Variants in IGFBP7 observed in about 807,000 individuals in gnomAD.
The protein encoded by IGFBP7 is insulin-like growth factor-binding protein 7.
IGFBP7 carries 31 observed loss-of-function variants against 29.4 expected under a neutral mutation model. The observed-to-expected ratio is 1.05, with a 90% CI of 0.79 to 1.42. IGFBP7 has a LOEUF of 1.42. IGFBP7 is among the 40% of genes most tolerant of loss of function. The pLI is 0.00. For missense variants in IGFBP7, 393 were observed against 395.5 expected (o/e 0.99, Z 0.05); for synonymous variants, 172 against 174.9 (o/e 0.98, Z 0.13).
At chr4:57,073,681 C>T (rs192059543) in intron 1 of IGFBP7, among the ~76,000 whole-genome samples, 1 of 152,212 alleles carries the variant, frequency 6.6e-6, no homozygotes, top group Admixed American at 6.5e-5. Flanking sequence ...CTCATGAGGT[C>T]AGACTAGGAG....
chr4:57,048,225 G>A (rs1724413891), intron 1 of IGFBP7, among the ~76,000 whole-genome samples: 1 of 151,832 alleles, frequency 6.6e-6, no homozygotes, highest in Non-Finnish European at 1.5e-5. Flanking sequence ...CTAACTTTTT[G>A]TATTTTTAGT....
chr4:57,079,252 A>AG (rs963333052), intron 1 of IGFBP7, among the ~76,000 whole-genome samples: 3 of 149,068 alleles, frequency 2.0e-5, no homozygotes, highest in Non-Finnish European at 4.5e-5. Context: ...GTGTTTTAAA[A>AG]AAACAAATTG....
intron 1 of IGFBP7, among the ~76,000 whole-genome samples, chr4:57,045,992 C>T (rs1395875871): frequency 2.0e-5 from 3 of 152,124 alleles, no homozygotes; most frequent in Admixed American, 2.0e-4. Context: ...TCCCAAAGTG[C>T]TGGGATTACA....
intron 1 of IGFBP7, among the ~76,000 whole-genome samples, chr4:57,076,652 G>T (rs1725234304): frequency 6.6e-6 from 1 of 152,228 alleles, no homozygotes; most frequent in Admixed American, 6.5e-5. Flanking sequence ...AACCAGCTTA[G>T]AAGGTGACGT....
At chr4:57,052,383 G>T (rs1166366474) in intron 1 of IGFBP7, among the ~76,000 whole-genome samples, 8 of 152,120 alleles carry the variant, frequency 5.3e-5, no homozygotes, top group Admixed American at 1.3e-4. Flanking sequence ...GTTTAAATTT[G>T]CTGAATTTCA....
intron 1 of IGFBP7, among the ~76,000 whole-genome samples, chr4:57,108,534 T>C (rs547515813): frequency 3.1e-4 from 17 of 54,770 alleles, no homozygotes; most frequent in African/African-American, 9.7e-4. Flanking sequence ...CCAGACTTTA[T>C]TTTCTTCTTT....
chr4:57,057,929 C>A (rs1265205267), intron 1 of IGFBP7, among the ~76,000 whole-genome samples: 1 of 152,146 alleles, frequency 6.6e-6, no homozygotes, highest in Non-Finnish European at 1.5e-5. Flanking sequence ...AAAGTAAACT[C>A]AAATAGAGAA....
intron 1 of IGFBP7, among the ~76,000 whole-genome samples, chr4:57,091,893 G>A (rs1408580482): frequency 6.6e-6 from 1 of 152,208 alleles, no homozygotes; most frequent in Non-Finnish European, 1.5e-5. Context: ...TTTAATAAGT[G>A]GAGCAGGAAA....
chr4:57,032,552 C>G lies in IGFBP7; in HGVS notation c.703G>C (p.Val235Leu), dbSNP rs1045722410. 20 of 1,611,014 alleles carry G rather than the reference C, an allele frequency of 1.2e-5. No individual in the cohort carries two copies. Among genetic ancestry groups the G allele is most frequent in the Non-Finnish European group, 1.4e-5 (17 of 1,177,322 alleles). The part of the protein sequence containing the change: ...EKHEVTGWVL[V>L]SPLSKEDAGE... ...GCATCTTCCTTACTTAGAGGAGATA[C>G]CTGTGAAAGAAAAAAGATCTAGTAT... Residue 235 changes from valine to leucine, a missense_variant and splice_region_variant, in exon 4 of 5, where the codon GTA becomes CTA. Coordinates refer to ENST00000295666, the MANE Select transcript of IGFBP7 (RefSeq NM_001553.3).
rs527968847 is a variant in IGFBP7, at chr4:57,075,202, C to A, written c.476-34269G>T. Among the ~76,000 whole-genome samples the A allele has an allele frequency of 2.6e-5, 4 of 152,264 alleles. No individual in the cohort carries two copies. The East Asian group carries it at 7.7e-4, about 29-fold the overall frequency. On this transcript the variant is annotated intron_variant, in intron 1 of 4. Transcript: ENST00000295666. ...TTGGAAAGTCTTTCCTTATTAGGAT[C>A]ATTTCAGTATAATCTGTGATCTGGT... is the stretch of plus-strand genomic sequence containing the variant.
chr4:57,051,367 G>C (rs557645290), intron 1 of IGFBP7, among the ~76,000 whole-genome samples: 1 of 152,220 alleles, frequency 6.6e-6, no homozygotes, highest in African/African-American at 2.4e-5. Context: ...GAGGACAGCA[G>C]GGGAGGAGAA....
intron 1 of IGFBP7, among the ~76,000 whole-genome samples, chr4:57,048,027 C>G (rs34447434): frequency 6.6e-6 from 1 of 151,294 alleles, no homozygotes; most frequent in Admixed American, 6.6e-5. Context: ...AGTCACCATG[C>G]CTGGCTTCTC....
intron 1 of IGFBP7, among the ~76,000 whole-genome samples, chr4:57,102,142 T>A (rs1056801948): frequency 9.9e-5 from 15 of 152,144 alleles, no homozygotes; most frequent in Non-Finnish European, 1.3e-4. Flanking sequence ...CATAATCTCA[T>A]CCACTGTAGG....
chr4:57,035,495 C>A (rs1183347683), intron 2 of IGFBP7, among the ~76,000 whole-genome samples: 2 of 152,054 alleles, frequency 1.3e-5, no homozygotes, highest in African/African-American at 2.4e-5. Flanking sequence ...CGCTCTGTCA[C>A]CCAGGGTGGA....
intron 1 of IGFBP7, among the ~76,000 whole-genome samples, chr4:57,085,885 G>A (rs955463395): frequency 6.6e-6 from 1 of 152,046 alleles, no homozygotes; most frequent in Non-Finnish European, 1.5e-5. Context: ...CTTTTATTTG[G>A]TCTTTTGTTT....
At chr4:57,100,877 C>T (rs1427144829) in intron 1 of IGFBP7, among the ~76,000 whole-genome samples, 1 of 152,218 alleles carries the variant, frequency 6.6e-6, no homozygotes, top group East Asian at 1.9e-4. Flanking sequence ...CTATTTACCA[C>T]CTGTGTGATG....
chr4:57,034,430 A>G (rs1407921646), intron 2 of IGFBP7, among the ~76,000 whole-genome samples: 9 of 152,020 alleles, frequency 5.9e-5, no homozygotes, highest in Non-Finnish European at 1.2e-4. Context: ...ACATTTATTG[A>G]TATTACCTTT....
intron 1 of IGFBP7, among the ~76,000 whole-genome samples, chr4:57,055,559 G>A (rs1196995994): frequency 6.6e-6 from 1 of 152,032 alleles, no homozygotes; most frequent in Non-Finnish European, 1.5e-5. Flanking sequence ...AAAATCCAGT[G>A]GGCTGGTTCT....
At chr4:57,050,769 G>A (rs1258437193) in intron 1 of IGFBP7, among the ~76,000 whole-genome samples, 1 of 151,312 alleles carries the variant, frequency 6.6e-6, no homozygotes, top group African/African-American at 2.4e-5. Flanking sequence ...TGTTGCCCAG[G>A]CTGGTCTCGA....
Sources: gnomAD v4.1 joint callset for allele counts (sites outside exome capture counted in the v4.1 genomes callset) on GRCh38, gnomAD v4.1.1 for gene constraint, MANE v1.5 for transcripts, NCBI Gene and HGNC (gene_info 2026-07-23, HGNC 2026-07-21) for gene names.